Variants in URGCP observed in about 807,000 individuals in gnomAD.
URGCP encodes the protein up-regulator of cell proliferation.
Under a neutral mutation model 24.6 loss-of-function variants are expected in URGCP, and 13 were observed. That is an observed-to-expected ratio of 0.53 (90% confidence interval 0.34 to 0.84). The LOEUF is 0.84. URGCP is among the 40% of genes least tolerant of loss of function. The pLI, the probability that URGCP is intolerant of heterozygous loss-of-function variation, is 0.01. For missense variants in URGCP, 899 were observed against 1,194.3 expected, an observed-to-expected ratio of 0.75 and a Z score of 3.64; for synonymous variants, 444 against 487.2, an observed-to-expected ratio of 0.91 and a Z score of 1.17.
chr7:43,883,362 AT>A (rs34217938), intron 3 of URGCP, among the ~76,000 whole-genome samples: 1,793 of 88,192 alleles, frequency 0.02, 14 homozygotes, highest in Middle Eastern at 0.045. Flanking sequence ...ATATATATAT[AT>A]TTTTTTTTTT....
chr7:43,881,578 T>C (rs1160879500), intron 5 of URGCP, 81 bp downstream of exon 5: 15 of 1,599,030 alleles, frequency 9.4e-6, no homozygotes, highest in Non-Finnish European at 1.3e-5. Flanking sequence ...GGTGATTTGA[T>C]ACAGTCAGGT....
intron 1 of URGCP, 60 bp from the exon 2 acceptor site, chr7:43,887,876 C>T (rs1313734341): frequency 6.3e-6 from 7 of 1,108,194 alleles, no homozygotes; most frequent in South Asian, 3.0e-5. Context: ...TATATAATAG[C>T]GAAAAACTGA....
chr7:43,918,723 T>C (rs1014282048), intron 1 of URGCP: 5 of 733,264 alleles, frequency 6.8e-6, no homozygotes, highest in African/African-American at 3.5e-5. Context: ...TCACCCACAA[T>C]TGGGCCAGTG....
chr7:43,881,845 T>G, intron 4 of URGCP, 62 bp downstream of exon 4: 1 of 1,606,182 alleles, frequency 6.2e-7, no homozygotes, highest in East Asian at 2.2e-5. Context: ...CCCGGTTATC[T>G]GTCACTTTAC....
intron 5 of URGCP, chr7:43,881,221 C>T (rs1329816055): frequency 4.3e-6 from 3 of 702,866 alleles, no homozygotes; most frequent in Non-Finnish European, 5.2e-6. Context: ...AACACTTCTG[C>T]CCAGTGTGTG....
At position 43,906,541 on chromosome 7, in the gene URGCP, G is replaced by A. The variant is rs972448899; in HGVS notation, c.14+21C>T. 12 of 1,229,398 alleles carry A rather than the reference G, an allele frequency of 9.8e-6. No homozygotes were observed. The African/African-American group carries it at 1.7e-4, about 18-fold the overall frequency. The allele number at this position is 1,229,398 out of a possible 1,614,324, so 76.2% of individuals were successfully genotyped here. On this transcript the variant is annotated intron_variant, in intron 1 of 5. Coordinates refer to ENST00000453200, the MANE Select transcript of URGCP (RefSeq NM_001077663.3). ...CCTGCCGGCAGCCGCGGGGGCGCAG[G>A]GCCTGCGAGGCGGCACTCACCCGGG...
chr7:43,884,852 A>G (rs140214980), intron 3 of URGCP, among the ~76,000 whole-genome samples: 177 of 152,258 alleles, frequency 1.2e-3, no homozygotes, highest in Middle Eastern at 3.4e-3. Context: ...TATGAAGTAG[A>G]ATCTTCAGAG....
chr7:43,890,461 C>A (rs539522225), intron 1 of URGCP, among the ~76,000 whole-genome samples: 9 of 152,116 alleles, frequency 5.9e-5, no homozygotes, highest in African/African-American at 2.2e-4. Flanking sequence ...CGTGATCCAC[C>A]CGCCTCAGCC....
Position 43,886,643 on chromosome 7 carries a change from C to T in URGCP, c.112+772G>A, listed in dbSNP as rs186086640. Among the ~76,000 whole-genome samples the T allele has an allele frequency of 7.8e-4, 118 of 152,196 alleles. 1 individual carries two copies. The highest frequency in any genetic ancestry group is 5.1e-4 in the Non-Finnish European group (35 of 68,010). On this transcript the variant is annotated intron_variant, in intron 3 of 5. Coordinates refer to ENST00000453200, the MANE Select transcript of URGCP (RefSeq NM_001077663.3). ...TGGCGCATGCCTGTAATCTCAGCTA[C>T]TTGGGAGGCTGAGGCAGCAGAATCA...
At chr7:43,906,398 G>T in intron 1 of URGCP, 164 bp downstream of exon 1, 4 of 809,478 alleles carry the variant, frequency 4.9e-6, no homozygotes, top group African/African-American at 1.9e-5. Flanking sequence ...GCCCAAGGTC[G>T]GCGCGAGCGG....
chr7:43,877,697 A>T lies in URGCP; in HGVS notation c.1766T>A (p.Leu589His), dbSNP rs751551435. 1.2e-6 allele frequency: 2 copies of T among 1,613,598 alleles called. No individual in the cohort carries two copies. Among genetic ancestry groups the T allele is most frequent in the African/African-American group, 1.3e-5 (1 of 74,882 alleles). Residue 589 changes from leucine to histidine, a missense_variant, in exon 6 of 6, where the codon CTT becomes CAT. Coordinates refer to ENST00000453200, the MANE Select transcript of URGCP (RefSeq NM_001077663.3). Reference sequence around the variant, plus strand: ...CCCATGCTTTGGTCTCAGGGTGAGAAGCGTCTCCGGAGGCTGTCTCAGTCG... The same window carrying T: ...CCCATGCTTTGGTCTCAGGGTGAGATGCGTCTCCGGAGGCTGTCTCAGTCG... ...QPRLRQPPET[L>H]LTLRPKHGGT...
intron 3 of URGCP, among the ~76,000 whole-genome samples, chr7:43,883,362 A>ATATATTT (rs1554289259): frequency 5.4e-4 from 48 of 88,288 alleles, no homozygotes; most frequent in African/African-American, 2.5e-3. Flanking sequence ...ATATATATAT[A>ATATATTT]TTTTTTTTTT....
intron 1 of URGCP, chr7:43,906,011 G>C (rs1562586757): frequency 1.3e-5 from 2 of 152,188 alleles, no homozygotes; most frequent in South Asian, 4.1e-4. Flanking sequence ...CGACCAAGGA[G>C]ATCCCGGAGC....
chr7:43,881,886 G>A (rs370806584), intron 4 of URGCP, 21 bp downstream of exon 4: 5 of 1,612,980 alleles, frequency 3.1e-6, no homozygotes, highest in African/African-American at 1.3e-5. Context: ...CCAATCTGTT[G>A]CCAAATCCTG....
intron 1 of URGCP, among the ~76,000 whole-genome samples, chr7:43,903,719 C>T (rs1373823457): frequency 1.3e-5 from 2 of 152,060 alleles, no homozygotes; most frequent in Non-Finnish European, 2.9e-5. Context: ...ACACACTACT[C>T]CCAATGCTGC....
At chr7:43,926,602 G>A (rs2095931282), upstream of URGCP, 3 of 1,537,048 alleles carry the variant, frequency 2.0e-6, no homozygotes, top group Non-Finnish European at 2.6e-6. Flanking sequence ...CCGAAGCGTC[G>A]AGGTGTGGGC....
In URGCP at chr7:43,917,755, G is replaced by T. The variant is rs1419223408; in HGVS notation, c.-116+8377C>A. On this transcript the variant is annotated intron_variant, in intron 1 of 5. Coordinates refer to the URGCP transcript ENST00000426198. ...GGATTTAAAAGGATTTTCTTGGCCA[G>T]GTGTGGTGGCTCATGCCTATATTCC... Among the ~76,000 whole-genome samples the T allele has an allele frequency of 5.9e-5, 9 of 152,226 alleles. No individual in the cohort carries two copies. The East Asian group carries it at 1.7e-3, about 29-fold the overall frequency.
At chr7:43,880,449 T>C (rs769282716) in intron 5 of URGCP, among the ~76,000 whole-genome samples, 6 of 152,046 alleles carry the variant, frequency 3.9e-5, no homozygotes, top group Non-Finnish European at 7.4e-5. Flanking sequence ...GTCTTAAAAT[T>C]TGTTGTTGTT....
At chr7:43,892,509 C>T (rs1054588241) in intron 1 of URGCP, among the ~76,000 whole-genome samples, 2 of 152,064 alleles carry the variant, frequency 1.3e-5, no homozygotes, top group African/African-American at 4.8e-5. Context: ...TTGACAGCTA[C>T]ACCAGCTTCC....
Sources: gnomAD v4.1 joint callset for allele counts (sites outside exome capture counted in the v4.1 genomes callset) on GRCh38, gnomAD v4.1.1 for gene constraint, MANE v1.5 for transcripts, NCBI Gene and HGNC (gene_info 2026-07-23, HGNC 2026-07-21) for gene names.